ALPK3: variants seen among roughly 807,000 people sequenced by gnomAD.
The protein encoded by ALPK3 is alpha kinase 3, also known as alpha-protein kinase 3.
A neutral mutation model predicts 140.0 loss-of-function variants in ALPK3; 102 were observed. The ratio of observed to expected loss-of-function variants is 0.73; its 90% confidence interval spans 0.62 to 0.86. The LOEUF (loss-of-function observed/expected upper bound fraction) is 0.86, where lower values mean the gene tolerates loss of function less well. Among genes scored for constraint, ALPK3 ranks in the 40% least tolerant of loss-of-function variants. ALPK3 has a pLI of 0.00. For synonymous variants in ALPK3, 938 were observed against 898.5 expected (o/e 1.04, Z -0.79); for missense variants, 2,254 against 2,208.2 (o/e 1.02, Z -0.42).
intron 3 of ALPK3, among the ~76,000 whole-genome samples, chr15:84,832,614 C>T (rs73437935): frequency 0.064 from 9,814 of 152,178 alleles, 388 homozygotes; most frequent in African/African-American, 0.09. Context: ...GTTTACACAT[C>T]TCTCTCTCTC....
chr15:84,863,444 C>T, intron 10 of ALPK3, 108 bp from the exon 11 acceptor site: 1 of 922,492 alleles, frequency 1.1e-6, no homozygotes, highest in Non-Finnish European at 1.6e-6. Context: ...GGGCTGGAAT[C>T]CTCCTCTCAG....
intron 3 of ALPK3, among the ~76,000 whole-genome samples, chr15:84,836,800 C>G (rs1963601825): frequency 6.6e-6 from 1 of 151,990 alleles, no homozygotes; most frequent in Admixed American, 6.5e-5. Context: ...AGCCACAGGA[C>G]AGAATTAGGA....
Position 84,840,630 on chromosome 15 carries a change from C to T in ALPK3, c.1351C>T (p.Pro451Ser), listed in dbSNP as rs766039293. 6 of 1,559,938 alleles carry T rather than the reference C, an allele frequency of 3.8e-6. No individual in the cohort carries two copies. The highest frequency in any genetic ancestry group is 5.2e-6 in the Non-Finnish European group (6 of 1,155,866). The change falls in exon 5 of 14, where the codon CCC becomes TCC. Residue 451 changes from proline (P) to serine (S), a missense_variant. Physicochemically the swap from Pro to Ser is moderately conservative, Grantham distance 74. This residue lies in a region of ALPK3 where 2,088 missense variants were observed against 2,022.9 expected (regional missense o/e 1.03). Coordinates refer to ENST00000258888, the MANE Select transcript of ALPK3 (RefSeq NM_020778.5). ...APGESPKGKA[P>S]LRARSEGVPG... ...TGGGGAGAGTCCCAAGGGGAAGGCA[C>T]CCCTCAGGGCTAGAAGCGAGGGGGT...
In ALPK3 at chr15:84,858,334, G is replaced by A. The variant is rs372009130; in HGVS notation, c.3596G>A (p.Ser1199Asn). The part of the protein sequence containing the change: ...PTVSPRGPRK[S>N]LVPGSPGTPG... ...GTTTCCCCCCGGGGGCCCAGGAAAAGCCTGGTGCCTGGGTCCCCAGGGACT... is the reference window on the plus strand; with the variant it reads ...GTTTCCCCCCGGGGGCCCAGGAAAAACCTGGTGCCTGGGTCCCCAGGGACT... Residue 1199 changes from serine to asparagine, a missense_variant, in exon 6 of 14, where the codon AGC becomes AAC. By Grantham distance (46) the Ser-to-Asn change is conservative (BLOSUM62 1). Coordinates refer to ENST00000258888, the MANE Select transcript of ALPK3 (RefSeq NM_020778.5). 4.6e-5 allele frequency: 72 copies of A among 1,558,120 alleles called. No homozygotes were observed. The African/African-American group carries it at 7.4e-4, about 16-fold the overall frequency.
chr15:84,839,896 T>G lies in ALPK3; in HGVS notation c.617T>G (p.Val206Gly). Residue 206 changes from valine (V) to glycine (G), a missense_variant, in exon 5 of 14, where the codon GTG becomes GGG. Physicochemically the swap from Val to Gly is moderately radical, Grantham distance 109. Transcript: ENST00000258888. The part of the protein sequence containing the change: ...IEQSWKHEKA[V>G]PGEVDTLRKL... ...CAGAGCTGGAAGCACGAGAAGGCGG[T>G]GCCTGGGGAGGTCGACACTCTGCGC... is the stretch of plus-strand genomic sequence containing the variant. The G allele has an allele frequency of 6.2e-7, 1 of 1,613,522 alleles. No individual in the cohort carries two copies. The highest frequency in any genetic ancestry group is 8.5e-7 in the Non-Finnish European group (1 of 1,179,806).
Position 84,857,777 on chromosome 15 carries a change from C to G in ALPK3, c.3039C>G (p.Arg1013=). Residue 1013 remains arginine (R), a synonymous_variant, in exon 6 of 14, where the codon CGC becomes CGG. Coordinates refer to ENST00000258888, the MANE Select transcript of ALPK3 (RefSeq NM_020778.5). ...GGCTTAGTCCCCGGACATCGAGGCGCATCCTGGAGCGTGTGGAGAACAACC... is the reference window on the plus strand; with the variant it reads ...GGCTTAGTCCCCGGACATCGAGGCGGATCCTGGAGCGTGTGGAGAACAACC... ...VAGLSPRTSR[R]ILERVENNHL... 6.2e-7 allele frequency: 1 copy of G among 1,612,512 alleles called. No homozygotes were observed. The highest frequency in any genetic ancestry group is 8.5e-7 in the Non-Finnish European group (1 of 1,178,970).
intron 3 of ALPK3, among the ~76,000 whole-genome samples, chr15:84,837,841 A>T (rs183016557): frequency 6.4e-4 from 97 of 152,362 alleles, no homozygotes; most frequent in Non-Finnish European, 5.9e-5. Flanking sequence ...TTTGCTTCTC[A>T]GTCCATGTGG....
In ALPK3 at chr15:84,863,445, C is replaced by T. The variant is rs1040197944; in HGVS notation, c.4411-107C>T. Reference sequence around the variant, plus strand: ...CCCTTCCTCCCCCAGGGCTGGAATCCTCCTCTCAGTCCCCTAACAGAATAG... The same window carrying T: ...CCCTTCCTCCCCCAGGGCTGGAATCTTCCTCTCAGTCCCCTAACAGAATAG... On this transcript the variant is annotated intron_variant, in intron 10 of 13. Transcript: ENST00000258888. The T allele has an allele frequency of 5.0e-5, 47 of 943,572 alleles. 1 individual carries two copies. Among genetic ancestry groups the T allele is most frequent in the Admixed American group, 7.9e-5 (3 of 38,130 alleles). The allele number at this position is 943,572 out of a possible 1,614,324, so 58.4% of individuals were successfully genotyped here.
At chr15:84,851,826 G>C (rs1394860966) in intron 5 of ALPK3, among the ~76,000 whole-genome samples, 3 of 152,160 alleles carry the variant, frequency 2.0e-5, no homozygotes, top group Admixed American at 2.0e-4. Flanking sequence ...ATATATCCTT[G>C]TATATAAGTC....
Position 84,856,772 on chromosome 15 carries a change from G to T in ALPK3, c.2034G>T (p.Glu678Asp). ...ETQLETTQAG[E>D]KIQEDRKAQA... ...AGCTAGAAACAACACAGGCAGGTGA[G>T]AAGATACAGGAAGACAGGAAGGCCC... Residue 678 changes from glutamate (E) to aspartate (D), a missense_variant, in exon 6 of 14, where the codon GAG becomes GAT. Coordinates refer to ENST00000258888, the MANE Select transcript of ALPK3 (RefSeq NM_020778.5). The T allele has an allele frequency of 6.2e-7, 1 of 1,614,124 alleles. No individual in the cohort carries two copies. The highest frequency in any genetic ancestry group is 2.2e-5 in the East Asian group (1 of 44,876).
Position 84,857,348 on chromosome 15 carries a change from T to C in ALPK3, c.2610T>C (p.Leu870=). ...LSQEVPTMPS[L]PGTGLTASPK... is the part of the protein sequence containing the mutation. Reference sequence around the variant, plus strand: ...AGGAGGTACCCACGATGCCTTCTCTTCCTGGAACTGGGCTGACAGCTAGCC... The same window carrying C: ...AGGAGGTACCCACGATGCCTTCTCTCCCTGGAACTGGGCTGACAGCTAGCC... Residue 870 remains leucine, a synonymous_variant, in exon 6 of 14, where the codon CTT becomes CTC. Transcript: ENST00000258888. 5 of 1,614,098 alleles carry C rather than the reference T, an allele frequency of 3.1e-6. No individual in the cohort carries two copies. The highest frequency in any genetic ancestry group is 4.2e-6 in the Non-Finnish European group (5 of 1,180,004).
intron 5 of ALPK3, among the ~76,000 whole-genome samples, chr15:84,847,743 CA>C (rs1377782833): frequency 1.3e-5 from 2 of 152,168 alleles, no homozygotes; most frequent in Non-Finnish European, 2.9e-5. Context: ...CAAGACACTA[CA>C]TTGTCAGCAG....
chr15:84,826,895 TC>T (rs1284029967), intron 2 of ALPK3, among the ~76,000 whole-genome samples: 2 of 151,824 alleles, frequency 1.3e-5, no homozygotes, highest in Non-Finnish European at 2.9e-5. Context: ...TGAATTAGAG[TC>T]CCCCCTTGGG....
intron 3 of ALPK3, among the ~76,000 whole-genome samples, chr15:84,832,875 T>A (rs1037632437): frequency 1.3e-5 from 2 of 152,196 alleles, no homozygotes; most frequent in Non-Finnish European, 2.9e-5. Context: ...GGGATGGCTC[T>A]CCCTCCTCTC....
At position 84,864,762 on chromosome 15, in the gene ALPK3, C is replaced by T. The variant is rs1309620970; in HGVS notation, c.4723+97C>T. ...AGTGCTTGGCTGATCGTTTACAAAG[C>T]ACCTTTGTCTTTATTCTTTTTTGCT... On this transcript the variant is annotated intron_variant, in intron 12 of 13. Transcript: ENST00000258888. 6 of 1,247,294 alleles carry T rather than the reference C, an allele frequency of 4.8e-6. No individual in the cohort carries two copies. The African/African-American group carries it at 9.0e-5, about 19-fold the overall frequency. 77.3% of individuals were successfully genotyped at this position (1,247,294 alleles called of 1,614,324 possible).
Position 84,840,690 on chromosome 15 carries a change from A to T in ALPK3, c.1411A>T (p.Thr471Ser), listed in dbSNP as rs148053797. The T allele has an allele frequency of 6.2e-7, 1 of 1,606,618 alleles. No homozygotes were observed. Among genetic ancestry groups the T allele is most frequent in the Non-Finnish European group, 8.5e-7 (1 of 1,176,580 alleles). ...GAPGQPTHSL[T>S]PQPTRPFNRK... Reference sequence around the variant, plus strand: ...TCCTGGCCAGCCCACACACTCCTTGACCCCCCAGCCGACTAGGCCTTTCAA... The same window carrying T: ...TCCTGGCCAGCCCACACACTCCTTGTCCCCCCAGCCGACTAGGCCTTTCAA... Residue 471 changes from threonine to serine, a missense_variant, in exon 5 of 14, where the codon ACC (threonine) becomes TCC (serine). By Grantham distance (58) the Thr-to-Ser change is moderately conservative (BLOSUM62 1). Coordinates refer to ENST00000258888, the MANE Select transcript of ALPK3 (RefSeq NM_020778.5).
At chr15:84,833,577 C>T (rs192498278) in intron 3 of ALPK3, among the ~76,000 whole-genome samples, 3 of 152,298 alleles carry the variant, frequency 2.0e-5, no homozygotes, top group Admixed American at 6.5e-5. Context: ...AGTGACCATA[C>T]GTGCACTCTT....
chr15:84,841,323 G>A (rs1306559022), intron 5 of ALPK3, among the ~76,000 whole-genome samples: 6 of 152,190 alleles, frequency 3.9e-5, no homozygotes, highest in Non-Finnish European at 8.8e-5. Context: ...GTAGTGTACA[G>A]CAGGTGGCAA....
intron 5 of ALPK3, among the ~76,000 whole-genome samples, chr15:84,854,878 T>C (rs1425298530): frequency 6.6e-5 from 10 of 152,214 alleles, no homozygotes; most frequent in African/African-American, 1.9e-4. Context: ...TATGCATTAA[T>C]ATATATGTTA....
Sources: gnomAD v4.1 joint callset for allele counts (sites outside exome capture counted in the v4.1 genomes callset) on GRCh38, gnomAD v4.1.1 for gene constraint, gnomAD v4.1.1 regional missense constraint, MANE v1.5 for transcripts, NCBI Gene and HGNC (gene_info 2026-07-23, HGNC 2026-07-21) for gene names.